Variants in NRXN1 observed in about 807,000 individuals in gnomAD.
NRXN1 encodes the protein neurexin 1, also known as neurexin-1.
Under a neutral mutation model 150.9 loss-of-function variants are expected in NRXN1, and 39 were observed. The ratio of observed to expected loss-of-function variants is 0.26; its 90% confidence interval spans 0.20 to 0.34. The LOEUF (loss-of-function observed/expected upper bound fraction) is 0.34, where lower values mean the gene tolerates loss of function less well. NRXN1 is among the 10% of genes least tolerant of loss of function. NRXN1 has a pLI of 1.00. For synonymous variants in NRXN1, 924 were observed against 757.0 expected, an observed-to-expected ratio of 1.22 and a Z score of -3.62; for missense variants, 1,815 against 1,949.9, an observed-to-expected ratio of 0.93 and a Z score of 1.30.
At chr2:50,246,837 A>T (rs1245871930) in intron 17 of NRXN1, among the ~76,000 whole-genome samples, 1 of 152,152 alleles carries the variant, frequency 6.6e-6, no homozygotes, top group African/African-American at 2.4e-5. Context: ...ATTATAATAT[A>T]TGAGAATTGT....
intron 17 of NRXN1, among the ~76,000 whole-genome samples, chr2:50,256,605 T>C (rs115712029): frequency 0.014 from 2,085 of 152,248 alleles, 20 homozygotes; most frequent in Non-Finnish European, 0.02. Flanking sequence ...TATTCCTGAG[T>C]TGGATTCTGC....
chr2:50,621,344 A>AT, intron 6 of NRXN1, 95 bp from the exon 7 acceptor site: 2 of 935,276 alleles, frequency 2.1e-6, no homozygotes, highest in East Asian at 2.7e-5. Context: ...ATGTTAGTAC[A>AT]TTTTTTGATT....
intron 17 of NRXN1, among the ~76,000 whole-genome samples, chr2:50,268,058 C>T (rs946342494): frequency 2.0e-5 from 3 of 151,942 alleles, no homozygotes; most frequent in Middle Eastern, 3.2e-3. Context: ...GGTGTGGTAA[C>T]GTGCACTTGT....
chr2:50,713,704 AATT>A (rs1280698497), intron 5 of NRXN1, among the ~76,000 whole-genome samples: 1 of 152,310 alleles, frequency 6.6e-6, no homozygotes, highest in South Asian at 2.1e-4. Context: ...AAAACAGATA[AATT>A]ATTACATCAT....
At chr2:50,921,934 T>A (rs7423296) in intron 4 of NRXN1, 54 bp from the exon 5 acceptor site, 2 of 1,133,586 alleles carry the variant, frequency 1.8e-6, no homozygotes, top group South Asian at 4.1e-5. Context: ...ACAAAGAGGA[T>A]AAAGAGGAGA....
chr2:50,410,654 T>G (rs536520144), intron 17 of NRXN1, among the ~76,000 whole-genome samples: 1 of 152,236 alleles, frequency 6.6e-6, no homozygotes, highest in East Asian at 1.9e-4. Context: ...AACACTCCCA[T>G]GCTAACTCAC....
At chr2:50,211,607 G>A (rs1205000107) in intron 18 of NRXN1, among the ~76,000 whole-genome samples, 1 of 151,172 alleles carries the variant, frequency 6.6e-6, no homozygotes. Context: ...AGTCTATAAA[G>A]CATTTCATAT....
At chr2:50,986,783 A>T (rs901130922) in intron 2 of NRXN1, among the ~76,000 whole-genome samples, 37 of 151,778 alleles carry the variant, frequency 2.4e-4, no homozygotes, top group African/African-American at 8.7e-4. Flanking sequence ...AAATATCCAA[A>T]ACATAGGAAT....
chr2:50,251,377 C>T (rs980340431), intron 17 of NRXN1, among the ~76,000 whole-genome samples: 2 of 151,992 alleles, frequency 1.3e-5, no homozygotes, highest in Non-Finnish European at 2.9e-5. Flanking sequence ...CTTTTTATGG[C>T]TACATAGTAT....
chr2:50,841,700 CTGTTA>C (rs1672904234), intron 5 of NRXN1, among the ~76,000 whole-genome samples: 1 of 152,134 alleles, frequency 6.6e-6, no homozygotes, highest in South Asian at 2.1e-4. Context: ...TCTAACATTT[CTGTTA>C]TGTCTTTGGG....
At chr2:50,174,383 G>C (rs900390655) in intron 18 of NRXN1, among the ~76,000 whole-genome samples, 1 of 152,016 alleles carries the variant, frequency 6.6e-6, no homozygotes. Context: ...AAAAATAAAA[G>C]ATCCATGTAA....
chr2:50,027,286 C>T (rs545968801), intron 21 of NRXN1, among the ~76,000 whole-genome samples: 3 of 151,430 alleles, frequency 2.0e-5, no homozygotes, highest in South Asian at 2.1e-4. Flanking sequence ...CTTCCTCCCT[C>T]GCTCCCTCCC....
chr2:50,143,796 G>C (rs1707613332), intron 18 of NRXN1, among the ~76,000 whole-genome samples: 1 of 151,720 alleles, frequency 6.6e-6, no homozygotes, highest in Admixed American at 6.6e-5. Context: ...CCATACTTTA[G>C]GGTGCACAAT....
At chr2:50,344,589 G>T (rs1444745106) in intron 17 of NRXN1, among the ~76,000 whole-genome samples, 1 of 152,046 alleles carries the variant, frequency 6.6e-6, no homozygotes, top group South Asian at 2.1e-4. Flanking sequence ...TCTCTTTTTC[G>T]ATGACAGACA....
In NRXN1 at chr2:50,110,859, T is replaced by C. The variant is rs1256855200; in HGVS notation, c.3547-19365A>G. ...TTATAAAATTTTTCTATTGTTCCCC[T>C]ATTGAAAGTTTAAGAGAATGCCCAT... is the stretch of plus-strand genomic sequence containing the variant. On this transcript the variant is annotated intron_variant, in intron 18 of 22. Coordinates refer to ENST00000401669, the MANE Select transcript of NRXN1 (RefSeq NM_001330078.2). Among the ~76,000 whole-genome samples the C allele has an allele frequency of 3.9e-5, 6 of 152,322 alleles. 1 individual carries two copies. The South Asian group carries it at 1.2e-3, about 32-fold the overall frequency.
At chr2:50,364,575 T>C (rs979349815) in intron 17 of NRXN1, among the ~76,000 whole-genome samples, 1 of 151,656 alleles carries the variant, frequency 6.6e-6, no homozygotes, top group African/African-American at 2.4e-5. Context: ...GCTTCTCTCC[T>C]GTATAATCAC....
At chr2:50,015,277 A>C (rs1048796459) in intron 21 of NRXN1, among the ~76,000 whole-genome samples, 38 of 151,990 alleles carry the variant, frequency 2.5e-4, no homozygotes, top group Non-Finnish European at 5.0e-4. Flanking sequence ...GAGCTGTTCC[A>C]TGTTCCTTTA....
chr2:50,829,316 G>A (rs1276942949), intron 5 of NRXN1: 2 of 646,714 alleles, frequency 3.1e-6, no homozygotes, highest in East Asian at 5.4e-5. Flanking sequence ...TTTTAGTAGA[G>A]ATGGGGTTTC....
At chr2:50,893,439 G>T (rs1681398971) in intron 5 of NRXN1, among the ~76,000 whole-genome samples, 1 of 152,108 alleles carries the variant, frequency 6.6e-6, no homozygotes, top group South Asian at 2.1e-4. Context: ...ATATAAGGCA[G>T]CCTCAATAAA....
Sources: allele counts gnomAD v4.1 joint callset (sites outside exome capture counted in the v4.1 genomes callset), GRCh38; gene constraint gnomAD v4.1.1; transcripts MANE v1.5; gene names NCBI Gene and HGNC (gene_info 2026-07-23, HGNC 2026-07-21).